The following KLRG1 variants were observed in gnomAD, a reference collection of about 807,000 sequenced individuals.
KLRG1 encodes the protein killer cell lectin-like receptor subfamily G member 1.
A neutral mutation model predicts 21.8 loss-of-function variants in KLRG1; 16 were observed. The observed-to-expected ratio is 0.73, with a 90% CI of 0.50 to 1.11. KLRG1 has a LOEUF of 1.11. Among genes scored for constraint, KLRG1 ranks in the 50% most tolerant of loss-of-function variants. KLRG1 has a pLI of 0.00. For synonymous variants in KLRG1, 69 were observed against 75.9 expected (o/e 0.91, Z 0.47); for missense variants, 173 against 218.3 (o/e 0.79, Z 1.31).
At chr12:9,123,378 C>T in the KLRG1 span, among the ~76,000 whole-genome samples, 2 of 152,024 alleles carry the variant, frequency 1.3e-5, no homozygotes, top group Non-Finnish European at 2.9e-5. Flanking sequence ...TACTCTTGAG[C>T]TTTGGGACCA....
chr12:9,182,103 C>G, the KLRG1 span: 1 of 1,498,434 alleles, frequency 6.7e-7, no homozygotes, highest in Non-Finnish European at 9.0e-7. Flanking sequence ...AAGGATAAGG[C>G]AAAACTGCCT....
the KLRG1 span, among the ~76,000 whole-genome samples, chr12:9,121,799 C>T: frequency 1.3e-5 from 2 of 151,986 alleles, no homozygotes; most frequent in East Asian, 3.9e-4. The surrounding 1 kb of genome is among the most constrained non-coding windows in gnomAD (Gnocchi z 4.4). Context: ...TGAATCTGTC[C>T]CCATTGTGAA....
chr12:9,196,593 G>A, the KLRG1 span: 1 of 1,611,206 alleles, frequency 6.2e-7, no homozygotes, highest in Non-Finnish European at 8.5e-7. Context: ...CTCTGATCCT[G>A]GCTTCCACTC....
At chr12:9,161,112 A>G in the KLRG1 span, 1 of 1,572,382 alleles carries the variant, frequency 6.4e-7, no homozygotes, top group Middle Eastern at 1.7e-4. Context: ...CAGACACATT[A>G]GCACCTTTAG....
At chr12:9,077,023 G>T in the KLRG1 span, 9 of 1,326,526 alleles carry the variant, frequency 6.8e-6, no homozygotes, top group Non-Finnish European at 9.1e-6. Context: ...CAGCACAGAA[G>T]TTTTTCAAAC....
chr12:9,203,266 A>AC, the KLRG1 span, among the ~76,000 whole-genome samples: 1 of 82,584 alleles, frequency 1.2e-5, no homozygotes, highest in Non-Finnish European at 2.9e-5. Flanking sequence ...TTACTCTGGT[A>AC]AAAAATGCTT....
the KLRG1 span, among the ~76,000 whole-genome samples, chr12:9,141,053 A>G: frequency 6.6e-6 from 1 of 152,250 alleles, no homozygotes; most frequent in African/African-American, 2.4e-5. Context: ...AAACAAGACA[A>G]CAATTGTTTA....
At chr12:8,995,021 G>C (rs1947086987) in intron 2 of KLRG1, 98 bp from the exon 3 acceptor site, 2 of 1,099,832 alleles carry the variant, frequency 1.8e-6, no homozygotes, top group African/African-American at 3.2e-5. Flanking sequence ...TGGTGGAGCA[G>C]GGAAGACCCA....
At chr12:9,037,470 A>G in the KLRG1 span, among the ~76,000 whole-genome samples, 1 of 152,242 alleles carries the variant, frequency 6.6e-6, no homozygotes, top group Non-Finnish European at 1.5e-5. Context: ...TTATTTAAGT[A>G]TATTTAACTG....
the KLRG1 span, among the ~76,000 whole-genome samples, chr12:9,020,208 G>A: frequency 6.6e-6 from 1 of 152,070 alleles, no homozygotes; most frequent in Non-Finnish European, 1.5e-5. Context: ...CACAATGCCT[G>A]GCACTTCTTC....
At chr12:9,135,680 C>T in the KLRG1 span, 2,508 of 201,876 alleles carry the variant, frequency 0.012, 68 homozygotes, top group African/African-American at 0.056. Context: ...GGAATTTAAA[C>T]CATGTCACAG....
chr12:9,205,215 T>G, the KLRG1 span, among the ~76,000 whole-genome samples: 1 of 152,222 alleles, frequency 6.6e-6, no homozygotes, highest in African/African-American at 2.4e-5. Context: ...ATTTTTTGTG[T>G]AAGCCTCACA....
At chr12:9,214,514 C>G in the KLRG1 span, among the ~76,000 whole-genome samples, 2 of 151,984 alleles carry the variant, frequency 1.3e-5, no homozygotes, top group African/African-American at 4.8e-5. Flanking sequence ...GTGCTAATGT[C>G]ACCTTTGGCT....
chr12:9,044,072 A>G, the KLRG1 span, among the ~76,000 whole-genome samples: 2 of 152,216 alleles, frequency 1.3e-5, no homozygotes, highest in African/African-American at 4.8e-5. Flanking sequence ...ACTGTGAAAT[A>G]TATGAAATTG....
At chr12:9,143,192 GA>G in the KLRG1 span, among the ~76,000 whole-genome samples, 1 of 152,212 alleles carries the variant, frequency 6.6e-6, no homozygotes, top group Non-Finnish European at 1.5e-5. Flanking sequence ...CTGTGATAAT[GA>G]GAGGGATTTT....
chr12:8,968,705 T>C (rs1035174238), intron 1 of KLRG1, among the ~76,000 whole-genome samples: 1 of 152,208 alleles, frequency 6.6e-6, no homozygotes, highest in South Asian at 2.1e-4. Context: ...GCACATATTC[T>C]GGCCATAAAA....
the KLRG1 span, chr12:9,098,690 C>G: frequency 6.2e-7 from 1 of 1,612,120 alleles, no homozygotes; most frequent in Non-Finnish European, 8.5e-7. Context: ...GACTGAGGAG[C>G]CGCTGTGACT....
chr12:9,086,440 T>C, the KLRG1 span, among the ~76,000 whole-genome samples: 1 of 152,216 alleles, frequency 6.6e-6, no homozygotes, highest in Non-Finnish European at 1.5e-5. Flanking sequence ...AAGGATCATC[T>C]ACCTAGTCAA....
the KLRG1 span, chr12:9,094,961 T>C: frequency 7.1e-7 from 1 of 1,405,256 alleles, no homozygotes; most frequent in Non-Finnish European, 9.6e-7. Flanking sequence ...TATTTATTAA[T>C]TTTTTGTTTA....
Sources: allele counts gnomAD v4.1 joint callset (sites outside exome capture counted in the v4.1 genomes callset), GRCh38; gene constraint gnomAD v4.1.1; non-coding constraint Gnocchi (gnomAD v3.1); transcripts MANE v1.5; gene names NCBI Gene and HGNC (gene_info 2026-07-23, HGNC 2026-07-21).